The following C11orf24 variants were observed in gnomAD, a reference collection of about 807,000 sequenced individuals.
C11orf24 encodes chromosome 11 open reading frame 24.
A neutral mutation model predicts 7.3 loss-of-function variants in C11orf24; 5 were observed. The observed-to-expected ratio is 0.69, with a 90% confidence interval of 0.36 to 1.45. C11orf24 has a LOEUF of 1.45. C11orf24 is among the 40% of genes most tolerant of loss of function. The pLI, the probability that C11orf24 is intolerant of heterozygous loss-of-function variation, is 0.03. For missense variants in C11orf24, 566 were observed against 590.5 expected, an observed-to-expected ratio of 0.96 and a Z score of 0.43; for synonymous variants, 233 against 235.7, an observed-to-expected ratio of 0.99 and a Z score of 0.11.
chr11:68,264,441 TCCACTTAC>T (rs1460331090), intron 2 of C11orf24, among the ~76,000 whole-genome samples: 9 of 126,178 alleles, frequency 7.1e-5, no homozygotes, highest in Admixed American at 6.2e-4. Context: ...CATCCATCCA[TCCACTTAC>T]CCACTTACCC....
Position 68,261,791 on chromosome 11 carries a change from G to A in C11orf24, c.1204C>T (p.Leu402Phe), listed in dbSNP as rs1565288875. 2 of 1,614,210 alleles carry A rather than the reference G, an allele frequency of 1.2e-6. No individual in the cohort carries two copies. Among genetic ancestry groups the A allele is most frequent in the South Asian group, 1.1e-5 (1 of 91,090 alleles). ...LTQAVVDKTL[L>F]LVVLLLGVTL... Reference sequence around the variant, plus strand: ...ACCCCGAGTAACAGCACCACCAGAAGGAGAGTTTTGTCTACCACGGCCTGG... The same window carrying A: ...ACCCCGAGTAACAGCACCACCAGAAAGAGAGTTTTGTCTACCACGGCCTGG... Residue 402 changes from leucine (L) to phenylalanine (F), a missense_variant, in exon 4 of 4, where the codon CTT (leucine) becomes TTT (phenylalanine). Leu to Phe is a conservative substitution (Grantham distance 22). Transcript: ENST00000304271.
chr11:68,264,625 CCCATCCAT>C (rs1463201120), intron 2 of C11orf24, among the ~76,000 whole-genome samples: 12 of 38,202 alleles, frequency 3.1e-4, no homozygotes, highest in African/African-American at 6.8e-4. Context: ...CATCCATCCA[CCCATCCAT>C]CCACCCACTC....
At chr11:68,268,405 A>G (rs1302074757) in intron 1 of C11orf24, 154 bp from the exon 2 acceptor site, 1 of 152,262 alleles carries the variant, frequency 6.6e-6, no homozygotes, top group African/African-American at 2.4e-5. Context: ...AAAACTTCCA[A>G]TGCAGGCTGG....
Position 68,261,887 on chromosome 11 carries a change from T to A in C11orf24, c.1108A>T (p.Met370Leu), listed in dbSNP as rs777445902. The A allele has an allele frequency of 8.7e-6, 14 of 1,614,018 alleles. No homozygotes were observed. The highest frequency in any genetic ancestry group is 1.3e-5 in the African/African-American group (1 of 75,042). ...GGCTGGCACGAGTCCGTGGCTGGCATCTTAGTGCCCCCTGAGCTCCTGGGT... is the reference window on the plus strand; with the variant it reads ...GGCTGGCACGAGTCCGTGGCTGGCAACTTAGTGCCCCCTGAGCTCCTGGGT... ...PTPRSSGGTK[M>L]PATDSCQPST... The change falls in exon 4 of 4, where the codon ATG (methionine) becomes TTG (leucine). Residue 370 changes from methionine (M) to leucine (L), a missense_variant. Coordinates refer to ENST00000304271, the MANE Select transcript of C11orf24 (RefSeq NM_022338.4).
At position 68,263,797 on chromosome 11, in the gene C11orf24, C is replaced by A; in HGVS notation, c.-30G>T. Reference sequence around the variant, plus strand: ...TGGGTGAGCTGGGAGCAAGGCTGGGCGGTCCCCGAGGCTCCCAGCCAGCCA... The same window carrying A: ...TGGGTGAGCTGGGAGCAAGGCTGGGAGGTCCCCGAGGCTCCCAGCCAGCCA... On this transcript the variant is annotated 5_prime_UTR_variant, in exon 3 of 4. Coordinates refer to ENST00000304271, the MANE Select transcript of C11orf24 (RefSeq NM_022338.4). 6.3e-7 allele frequency: 1 copy of A among 1,588,374 alleles called. No individual in the cohort carries two copies. The highest frequency in any genetic ancestry group is 8.6e-7 in the Non-Finnish European group (1 of 1,166,370).
chr11:68,263,438 A>G (rs1394976336), intron 3 of C11orf24: 44 of 532,294 alleles, frequency 8.3e-5, no homozygotes, highest in Non-Finnish European at 1.4e-4. Context: ...GATTCAATTT[A>G]GAGATGACAT....
At chr11:68,263,270 C>T in intron 3 of C11orf24, 1 of 409,956 alleles carries the variant, frequency 2.4e-6, no homozygotes, top group African/African-American at 2.0e-5. Flanking sequence ...GAACGCACAC[C>T]CAGGTTTACA....
At chr11:68,268,688 G>A (rs531461033) in intron 1 of C11orf24, among the ~76,000 whole-genome samples, 43 of 152,186 alleles carry the variant, frequency 2.8e-4, no homozygotes, top group East Asian at 5.8e-4. Context: ...GCAAAACTGC[G>A]TCTCAAAAAA....
At chr11:68,269,674 G>A (rs748195952) in intron 1 of C11orf24, among the ~76,000 whole-genome samples, 1 of 151,846 alleles carries the variant, frequency 6.6e-6, no homozygotes, top group African/African-American at 2.4e-5. Context: ...ACACACAAAG[G>A]TGAGGGCACA....
At chr11:68,263,586 G>A (rs2098563071) in intron 3 of C11orf24, 106 bp downstream of exon 3, 29 of 1,025,048 alleles carry the variant, frequency 2.8e-5, no homozygotes, top group South Asian at 7.4e-5. Flanking sequence ...GGAGGGCTGC[G>A]GTTCCTGACG....
At chr11:68,265,660 T>C (rs377655670) in intron 2 of C11orf24, among the ~76,000 whole-genome samples, 18 of 152,080 alleles carry the variant, frequency 1.2e-4, no homozygotes, top group African/African-American at 4.3e-4. Context: ...GCTATTTTTT[T>C]TGTGTGTGTG....
At chr11:68,263,145 C>T (rs942446771) in intron 3 of C11orf24, 9 of 577,512 alleles carry the variant, frequency 1.6e-5, no homozygotes, top group Non-Finnish European at 2.5e-5. Flanking sequence ...CTCCTTTGCC[C>T]TCTATGAACC....
chr11:68,271,172 G>T (rs150481923), intron 1 of C11orf24, among the ~76,000 whole-genome samples: 2 of 152,132 alleles, frequency 1.3e-5, no homozygotes. Context: ...TTCCTGGGGC[G>T]AGGGATAGCT....
chr11:68,262,205 G>A lies in C11orf24; in HGVS notation c.790C>T (p.Gln264Ter). Residue 264 changes from glutamine (Q) to a stop codon, truncating the protein, a stop_gained, in exon 4 of 4, where the codon CAG (glutamine) becomes TAG (stop). Coordinates refer to ENST00000304271, the MANE Select transcript of C11orf24 (RefSeq NM_022338.4). LOFTEE classifies it low-confidence loss of function (END_TRUNC). ...QGPISQVSVD[Q>*]PVVNTTNKST... ...TTATTTGTTGTGTTAACCACAGGCT[G>A]GTCCACTGACACCTGGCTAATGGGA... is the stretch of plus-strand genomic sequence containing the variant. The A allele has an allele frequency of 6.2e-7, 1 of 1,613,110 alleles. No homozygotes were observed. The highest frequency in any genetic ancestry group is 8.5e-7 in the Non-Finnish European group (1 of 1,179,280).
chr11:68,269,111 C>CT (rs147773525), intron 1 of C11orf24, among the ~76,000 whole-genome samples: 40 of 147,850 alleles, frequency 2.7e-4, no homozygotes, highest in Middle Eastern at 7.2e-3. Context: ...ATCTTTCCTT[C>CT]TTTTTTTTTT....
Position 68,262,140 on chromosome 11 carries a change from G to A in C11orf24, c.855C>T (p.Ala285=). 6.2e-7 allele frequency: 1 copy of A among 1,614,034 alleles called. No homozygotes were observed. Among genetic ancestry groups the A allele is most frequent in the South Asian group, 1.1e-5 (1 of 91,082 alleles). The change falls in exon 4 of 4, where the codon GCC becomes GCT. Residue 285 remains alanine (A), a synonymous_variant. Transcript: ENST00000304271. Reference sequence around the variant, plus strand: ...TGGTGGTCACCACTGTGGGGGTGGGGGCGGGCTCTGGGGTTGTGTTTGAGG... The same window carrying A: ...TGGTGGTCACCACTGTGGGGGTGGGAGCGGGCTCTGGGGTTGTGTTTGAGG... ...PMPSNTTPEP[A]PTPTVVTTTK...
Position 68,262,616 on chromosome 11 carries a change from T to C in C11orf24, c.379A>G (p.Thr127Ala). Residue 127 changes from threonine (T) to alanine (A), a missense_variant, in exon 4 of 4, where the codon ACT (threonine) becomes GCT (alanine). By Grantham distance (58) the Thr-to-Ala change is moderately conservative. Transcript: ENST00000304271. Reference sequence around the variant, plus strand: ...GTCGTGGGAGCACTGGAGGCCACAGTCATACTGGAGGCCGCAGTCGTAATG... The same window carrying C: ...GTCGTGGGAGCACTGGAGGCCACAGCCATACTGGAGGCCGCAGTCGTAATG... Reference protein sequence around the residue: ...ASITTAASSMTVASSAPTTAA... With the variant: ...ASITTAASSMAVASSAPTTAA... 1 of 1,613,482 alleles carries C rather than the reference T, an allele frequency of 6.2e-7. No homozygotes were observed. The highest frequency in any genetic ancestry group is 8.5e-7 in the Non-Finnish European group (1 of 1,179,634).
chr11:68,262,691 C>T lies in C11orf24; in HGVS notation c.304G>A (p.Val102Met), dbSNP rs1376442153. 6.2e-7 allele frequency: 1 copy of T among 1,614,214 alleles called. No homozygotes were observed. The highest frequency in any genetic ancestry group is 8.5e-7 in the Non-Finnish European group (1 of 1,180,032). The change falls in exon 4 of 4, where the codon GTG (valine) becomes ATG (methionine). Residue 102 changes from valine to methionine, a missense_variant. Coordinates refer to ENST00000304271, the MANE Select transcript of C11orf24 (RefSeq NM_022338.4). ...ACAGCCGTGGGAGCAATGGAGGTCA[C>T]ACCATCAGCTGCACCTCCTGAAGTT... Reference protein sequence around the residue: ...PATSGGAADGVTSIAPTAVAS... With the variant: ...PATSGGAADGMTSIAPTAVAS...
intron 2 of C11orf24, 144 bp downstream of exon 2, chr11:68,267,910 T>A (rs964534267): frequency 6.6e-6 from 1 of 152,328 alleles, no homozygotes; most frequent in African/African-American, 2.4e-5. Flanking sequence ...GGCCACAGAC[T>A]GGGCCTGGGC....
Sources: allele counts gnomAD v4.1 joint callset (sites outside exome capture counted in the v4.1 genomes callset), GRCh38; gene constraint gnomAD v4.1.1; transcripts MANE v1.5; gene names NCBI Gene and HGNC (gene_info 2026-07-23, HGNC 2026-07-21).